Variants in FBXL7 observed in about 807,000 individuals in gnomAD.
FBXL7 encodes the protein F-box/LRR-repeat protein 7.
FBXL7 carries 12 observed loss-of-function variants against 38.3 expected under a neutral mutation model. The observed-to-expected ratio is 0.31, with a 90% confidence interval of 0.20 to 0.51. The LOEUF (loss-of-function observed/expected upper bound fraction) is 0.51. FBXL7 is among the 20% of genes least tolerant of loss of function. The pLI, the probability that FBXL7 is intolerant of heterozygous loss-of-function variation, is 0.98. For synonymous variants in FBXL7, 297 were observed against 300.9 expected (o/e 0.99, Z 0.13); for missense variants, 567 against 676.4 (o/e 0.84, Z 1.79).
intron 1 of FBXL7, among the ~76,000 whole-genome samples, chr5:15,541,371 CAT>C (rs574964691): frequency 2.0e-4 from 28 of 140,100 alleles, no homozygotes; most frequent in East Asian, 1.5e-3. Context: ...TATATATACA[CAT>C]ATATATATAC....
chr5:15,734,952 A>G (rs899466302), intron 2 of FBXL7, among the ~76,000 whole-genome samples: 2 of 152,096 alleles, frequency 1.3e-5, no homozygotes, highest in African/African-American at 2.4e-5. Flanking sequence ...TTTTTTTGAG[A>G]CAGAGTTTTG....
intron 2 of FBXL7, among the ~76,000 whole-genome samples, chr5:15,643,097 G>A (rs562885887): frequency 8.5e-5 from 13 of 152,138 alleles, no homozygotes; most frequent in Non-Finnish European, 1.3e-4. Flanking sequence ...AGGTTTTCAC[G>A]TAATGATTTT....
At chr5:15,592,704 C>A (rs916375686) in intron 1 of FBXL7, among the ~76,000 whole-genome samples, 1 of 151,958 alleles carries the variant, frequency 6.6e-6, no homozygotes, top group Admixed American at 6.6e-5. Context: ...TAGTCCGGAC[C>A]TTTAGTTTTT....
At chr5:15,875,279 T>C (rs1395779292) in intron 2 of FBXL7, among the ~76,000 whole-genome samples, 1 of 152,158 alleles carries the variant, frequency 6.6e-6, no homozygotes, top group Non-Finnish European at 1.5e-5. Context: ...AGATTAAAGA[T>C]GTAAACATAA....
intron 2 of FBXL7, among the ~76,000 whole-genome samples, chr5:15,892,804 C>T (rs1740955040): frequency 6.6e-6 from 1 of 152,116 alleles, no homozygotes; most frequent in Non-Finnish European, 1.5e-5. Context: ...AAACTATTTT[C>T]CTCATTTTAC....
chr5:15,930,815 A>C (rs1037368901), intron 3 of FBXL7, among the ~76,000 whole-genome samples: 1 of 152,214 alleles, frequency 6.6e-6, no homozygotes, highest in Non-Finnish European at 1.5e-5. Context: ...TCAACAGGCC[A>C]TGAGGATGGA....
intron 2 of FBXL7, among the ~76,000 whole-genome samples, chr5:15,734,363 C>A (rs1393690604): frequency 1.3e-5 from 2 of 152,212 alleles, no homozygotes; most frequent in East Asian, 3.9e-4. Context: ...GATCACAAGT[C>A]ATGGGTTTAA....
intron 2 of FBXL7, among the ~76,000 whole-genome samples, chr5:15,834,498 T>C (rs1251855976): frequency 2.6e-5 from 4 of 152,232 alleles, no homozygotes; most frequent in African/African-American, 9.6e-5. Context: ...TTTTAAACTT[T>C]GAAAATTATT....
At chr5:15,858,737 T>G (rs1303578672) in intron 2 of FBXL7, among the ~76,000 whole-genome samples, 1 of 152,170 alleles carries the variant, frequency 6.6e-6, no homozygotes, top group Non-Finnish European at 1.5e-5. Context: ...TTATTTTGAT[T>G]TTTTGAGTCT....
At position 15,938,197 on chromosome 5, in the gene FBXL7, T is replaced by C. The variant is rs1167082475; in HGVS notation, c.*1011T>C. The C allele has an allele frequency of 6.6e-6, 1 of 152,166 alleles. No individual in the cohort carries two copies. The highest frequency in any genetic ancestry group is 6.6e-5 in the Admixed American group (1 of 15,260). The allele number at this position is 152,166 out of a possible 1,614,324, so 9.4% of individuals were successfully genotyped here. On this transcript the variant is annotated 3_prime_UTR_variant, in exon 4 of 4. Transcript: ENST00000504595. The stretch of plus-strand genomic sequence containing the variant: ...CTGCATTCCCCCCTCCACACCATCC[T>C]AGCGAGGCACCAGCACACCTAATCA...
chr5:15,644,581 C>T (rs1264040694), intron 2 of FBXL7, among the ~76,000 whole-genome samples: 1 of 151,970 alleles, frequency 6.6e-6, no homozygotes, highest in Non-Finnish European at 1.5e-5. Context: ...TCACTTTTGC[C>T]CATTTGAAGA....
chr5:15,874,542 T>C (rs545365256), intron 2 of FBXL7, among the ~76,000 whole-genome samples: 2 of 152,210 alleles, frequency 1.3e-5, no homozygotes, highest in Non-Finnish European at 2.9e-5. Flanking sequence ...CAGAAACTCC[T>C]TAAGCTGATA....
intron 2 of FBXL7, among the ~76,000 whole-genome samples, chr5:15,840,577 G>A (rs1470741164): frequency 3.9e-5 from 6 of 151,962 alleles, no homozygotes; most frequent in Admixed American, 2.6e-4. Context: ...ATTATTGACC[G>A]GGCACAGTGG....
In FBXL7 at chr5:15,629,945, T is replaced by G. The variant is rs114547137; in HGVS notation, c.127+13873T>G. On this transcript the variant is annotated intron_variant, in intron 2 of 3. Coordinates refer to ENST00000504595, the MANE Select transcript of FBXL7 (RefSeq NM_012304.5). ...AAAAAAAGCTTAATGTTACTGCTTA[T>G]GGAAACTTGAGGTACATCATGGGAA... 1.8e-3 allele frequency among the ~76,000 whole-genome samples: 270 copies of G among 152,332 alleles called. 2 individuals are homozygous for G. Among genetic ancestry groups the G allele is most frequent in the African/African-American group, 5.9e-3 (247 of 41,586 alleles).
chr5:15,736,399 TTGAATATGCAAGTA>T (rs1735748631), intron 2 of FBXL7, among the ~76,000 whole-genome samples: 1 of 152,184 alleles, frequency 6.6e-6, no homozygotes, highest in South Asian at 2.1e-4. Context: ...ATATAATAAG[TTGAATATGCAAGTA>T]TGGTGGCCCT....
At chr5:15,799,512 G>A (rs1679539924) in intron 2 of FBXL7, among the ~76,000 whole-genome samples, 2 of 151,898 alleles carry the variant, frequency 1.3e-5, no homozygotes, top group South Asian at 2.1e-4. Flanking sequence ...ACAGGCATGC[G>A]CCACCATGCC....
intron 2 of FBXL7, among the ~76,000 whole-genome samples, chr5:15,720,979 C>T (rs568573587): frequency 6.6e-6 from 1 of 152,046 alleles, no homozygotes; most frequent in East Asian, 1.9e-4. Context: ...ATTCATAGTA[C>T]AACTTACTCT....
At chr5:15,835,610 C>T (rs1396392457) in intron 2 of FBXL7, among the ~76,000 whole-genome samples, 54 of 151,994 alleles carry the variant, frequency 3.6e-4, no homozygotes, top group Admixed American at 3.5e-3. Flanking sequence ...GAAATAGGGG[C>T]CTGGAGAATG....
At chr5:15,754,019 A>G (rs1276587402) in intron 2 of FBXL7, among the ~76,000 whole-genome samples, 1 of 152,250 alleles carries the variant, frequency 6.6e-6, no homozygotes, top group East Asian at 1.9e-4. Context: ...TAATTCAATC[A>G]GTGGTTCTCA....
Sources: allele counts gnomAD v4.1 joint callset (sites outside exome capture counted in the v4.1 genomes callset), GRCh38; gene constraint gnomAD v4.1.1; transcripts MANE v1.5; gene names NCBI Gene and HGNC (gene_info 2026-07-23, HGNC 2026-07-21).